ADAR: variants seen among roughly 807,000 people sequenced by gnomAD.
The protein encoded by ADAR is adenosine deaminase RNA specific.
Under a neutral mutation model 113.2 loss-of-function variants are expected in ADAR, and 41 were observed. The observed-to-expected ratio is 0.36, with a 90% CI of 0.28 to 0.47. The LOEUF is 0.47. Ranked by LOEUF, ADAR falls within the 20% of genes least tolerant of loss-of-function variation. The probability of loss-of-function intolerance (pLI) is 1.00; values close to 1 mark genes in which losing one functional copy is unlikely to be tolerated. For missense variants in ADAR, 1,242 were observed against 1,540.9 expected, an observed-to-expected ratio of 0.81 and a Z score of 3.25; for synonymous variants, 605 against 572.6, an observed-to-expected ratio of 1.06 and a Z score of -0.81.
chr1:154,594,484 T>C (rs1300873427), intron 6 of ADAR, among the ~76,000 whole-genome samples: 1 of 152,234 alleles, frequency 6.6e-6, no homozygotes, highest in Admixed American at 6.5e-5. Context: ...GCCGGTTGCA[T>C]GGCAAGAGTG....
chr1:154,611,653 G>A (rs1267293307), upstream of ADAR, among the ~76,000 whole-genome samples: 1 of 152,104 alleles, frequency 6.6e-6, no homozygotes, highest in Non-Finnish European at 1.5e-5. Flanking sequence ...TAACTTCCCC[G>A]TGCGTAACGG....
At chr1:154,615,376 C>T (rs1698604923) in intron 1 of ADAR, among the ~76,000 whole-genome samples, 1 of 152,176 alleles carries the variant, frequency 6.6e-6, no homozygotes, top group African/African-American at 2.4e-5. Flanking sequence ...CCAAAACAGA[C>T]TAGCTGTCAT....
intron 2 of ADAR, among the ~76,000 whole-genome samples, chr1:154,599,843 G>A (rs1309317116): frequency 3.9e-5 from 6 of 152,236 alleles, no homozygotes; most frequent in Non-Finnish European, 2.9e-5. Flanking sequence ...GGCAGCAAGT[G>A]CTAGCCTACC....
intron 2 of ADAR, 21 bp from the exon 3 acceptor site, chr1:154,598,606 T>C (rs576515432): frequency 3.7e-6 from 6 of 1,613,170 alleles, no homozygotes; most frequent in Non-Finnish European, 5.1e-6. Flanking sequence ...AGTGATTAGA[T>C]GTGTGAACAG....
At chr1:154,588,523 C>T in intron 10 of ADAR, 28 bp downstream of exon 10, 2 of 1,612,720 alleles carry the variant, frequency 1.2e-6, no homozygotes, top group Non-Finnish European at 1.7e-6. Flanking sequence ...GCAGGGCCCA[C>T]CCTGGCAGCA....
rs149096308 is a variant in ADAR at position 154,615,633 on chromosome 1, C to T, written c.-871+12222G>A. ...CGCACTATGTTGCCCAGGCCAGTCA[C>T]GAACTCCTGGGCTCAAGCAATCTGC... is the stretch of plus-strand genomic sequence containing the variant. On this transcript the variant is annotated intron_variant, in intron 1 of 14. Transcript: ENST00000368471. Among the ~76,000 whole-genome samples the T allele has an allele frequency of 7.2e-5, 11 of 152,204 alleles. No homozygotes were observed. The East Asian group carries it at 2.1e-3, about 29-fold the overall frequency.
chr1:154,610,534 G>A (rs1195996671), upstream of ADAR, among the ~76,000 whole-genome samples: 1 of 152,142 alleles, frequency 6.6e-6, no homozygotes, highest in Non-Finnish European at 1.5e-5. Context: ...AATGAGGCCG[G>A]GCGCAGTGGC....
At chr1:154,604,083 C>T (rs1290250039) in intron 1 of ADAR, among the ~76,000 whole-genome samples, 14 of 152,216 alleles carry the variant, frequency 9.2e-5, no homozygotes. Flanking sequence ...AACTCTTTTC[C>T]AGTGGCTGAT....
intron 1 of ADAR, among the ~76,000 whole-genome samples, chr1:154,626,003 C>CAA (rs60388172): frequency 2.1e-4 from 17 of 82,418 alleles, no homozygotes; most frequent in East Asian, 3.7e-4. Context: ...GACTCTGTCT[C>CAA]AAAAAAAAAA....
At chr1:154,597,324 C>T (rs750852519) in intron 4 of ADAR, 57 bp from the exon 5 acceptor site, 442 of 1,605,144 alleles carry the variant, frequency 2.8e-4, no homozygotes, top group Middle Eastern at 8.3e-4. Flanking sequence ...AGGAGCCTGA[C>T]CTAGCCTCTG....
chr1:154,598,389 G>A lies in ADAR; in HGVS notation c.1785+13C>T. ...AGGGAACTGATCCTCCCAGATGGCA[G>A]GAGGACACCTACCTTCTCTGATTCT... On this transcript the variant is annotated intron_variant, in intron 3 of 14. Coordinates refer to ENST00000368474, the MANE Select transcript of ADAR (RefSeq NM_001111.5). 6.2e-7 allele frequency: 1 copy of A among 1,613,874 alleles called. No individual in the cohort carries two copies. The highest frequency in any genetic ancestry group is 8.5e-7 in the Non-Finnish European group (1 of 1,179,786).
chr1:154,585,100 A>G, intron 14 of ADAR, 57 bp from the exon 15 acceptor site: 2 of 1,608,904 alleles, frequency 1.2e-6, no homozygotes, highest in South Asian at 2.2e-5. Context: ...AGGAGCTCAC[A>G]GTGGAGACAC....
intron 6 of ADAR, among the ~76,000 whole-genome samples, chr1:154,593,692 G>A (rs1418724025): frequency 6.6e-6 from 1 of 152,134 alleles, no homozygotes; most frequent in South Asian, 2.1e-4. Flanking sequence ...TTAAACAGTG[G>A]GCAGATGTGT....
In ADAR at chr1:154,590,382, A is replaced by T. The variant is rs1697066211; in HGVS notation, c.2298T>A (p.Gly766=). The change falls in exon 7 of 15, where the codon GGT becomes GGA. Residue 766 remains glycine, a synonymous_variant. Coordinates refer to ENST00000368474, the MANE Select transcript of ADAR (RefSeq NM_001111.5). ...GTGCGCAGACGGCTGGGAACCAGCG[A>T]CCCCCAACTTTTGCTTGGTAAACGA... is the stretch of plus-strand genomic sequence containing the variant. ...PKFVYQAKVG[G]RWFPAVCAHS... 1 of 1,613,862 alleles carries T rather than the reference A, an allele frequency of 6.2e-7. No individual in the cohort carries two copies. The highest frequency in any genetic ancestry group is 1.3e-5 in the African/African-American group (1 of 74,826).
At chr1:154,593,725 G>A (rs1308406118) in intron 6 of ADAR, among the ~76,000 whole-genome samples, 2 of 152,170 alleles carry the variant, frequency 1.3e-5, no homozygotes, top group Admixed American at 6.5e-5. Context: ...GTCATGTTGG[G>A]CAAAGGGCTA....
rs1453488962 is a variant in ADAR at position 154,597,172 on chromosome 1, A to G, written c.2030T>C (p.Met677Thr). 3.1e-6 allele frequency: 5 copies of G among 1,613,994 alleles called. No individual in the cohort carries two copies. Among genetic ancestry groups the G allele is most frequent in the Non-Finnish European group, 4.2e-6 (5 of 1,180,002 alleles). ...GGTCGCCTCCCCATGCAGGGCCTTC[A>G]TGGCTTCCTCTGCGGCCATCTGCTT... ...VAKQMAAEEA[M>T]KALHGEATNS... is the part of the protein sequence containing the mutation. Residue 677 changes from methionine to threonine, a missense_variant, in exon 5 of 15, where the codon ATG becomes ACG. Met to Thr is a moderately conservative substitution (Grantham distance 81, BLOSUM62 -1). Coordinates refer to ENST00000368474, the MANE Select transcript of ADAR (RefSeq NM_001111.5).
At chr1:154,589,500 G>A in intron 8 of ADAR, 38 bp from the exon 9 acceptor site, 1 of 1,538,134 alleles carries the variant, frequency 6.5e-7, no homozygotes, top group South Asian at 1.1e-5. Flanking sequence ...AATAATGGAA[G>A]GAAACCGATG....
chr1:154,627,925 A>AC, exon 1 of ADAR: 2 of 293,266 alleles, frequency 6.8e-6, no homozygotes. Flanking sequence ...CCCTCCCCCC[A>AC]CCCTCCCCCA....
chr1:154,611,464 C>CT (rs984110220), upstream of ADAR, among the ~76,000 whole-genome samples: 449 of 146,588 alleles, frequency 3.1e-3, 1 homozygote, highest in Middle Eastern at 0.014. Flanking sequence ...GTGATGATGT[C>CT]TTTTTTTTTT....
Sources: gnomAD v4.1 joint callset for allele counts (sites outside exome capture counted in the v4.1 genomes callset) on GRCh38, gnomAD v4.1.1 for gene constraint, MANE v1.5 for transcripts, NCBI Gene and HGNC (gene_info 2026-07-23, HGNC 2026-07-21) for gene names.